Variants in UMODL1 observed in about 807,000 individuals in gnomAD.
The protein encoded by UMODL1 is uromodulin like 1, also known as uromodulin-like 1.
In UMODL1, 128 loss-of-function variants were observed where a neutral mutation model predicts 136.3. That is an observed-to-expected ratio of 0.94 (90% CI 0.81 to 1.09). The LOEUF (loss-of-function observed/expected upper bound fraction) is 1.09. Among genes scored for constraint, UMODL1 ranks in the 50% least tolerant of loss-of-function variants. The probability of loss-of-function intolerance (pLI) is 0.00; values close to 1 mark genes in which losing one functional copy is unlikely to be tolerated. For synonymous variants in UMODL1, 721 were observed against 720.0 expected, an observed-to-expected ratio of 1.00 and a Z score of -0.02; for missense variants, 1,766 against 1,725.6, an observed-to-expected ratio of 1.02 and a Z score of -0.41.
chr21:42,123,590 T>C lies in UMODL1; in HGVS notation c.3147+440T>C, dbSNP rs550064304. 2.0e-5 allele frequency among the ~76,000 whole-genome samples: 3 copies of C among 151,996 alleles called. No individual in the cohort carries two copies. The highest frequency in any genetic ancestry group is 7.2e-5 in the African/African-American group (3 of 41,426). ...GTGTGTAAATGTGTGAATCTGTGTG[T>C]GCGAATGTGTATGTGTATATGCATG... On this transcript the variant is annotated intron_variant, in intron 17 of 22. Transcript: ENST00000408910. The surrounding 1 kb of genome is among the most constrained non-coding windows in gnomAD (Gnocchi z 4.4).
At chr21:42,101,095 G>T (rs1298810926) in intron 7 of UMODL1, among the ~76,000 whole-genome samples, 1 of 151,022 alleles carries the variant, frequency 6.6e-6, no homozygotes, top group Non-Finnish European at 1.5e-5. Flanking sequence ...TTATAAAAAT[G>T]CCCTTTTTTT....
intron 15 of UMODL1, 151 bp from the exon 16 acceptor site, chr21:42,120,936 G>C: frequency 2.1e-6 from 2 of 975,402 alleles, no homozygotes; most frequent in Non-Finnish European, 3.0e-6. Context: ...GAAGCCTCCT[G>C]TACTTTCCAG....
At chr21:42,112,770 C>T (rs1007516400) in intron 12 of UMODL1, among the ~76,000 whole-genome samples, 18 of 151,778 alleles carry the variant, frequency 1.2e-4, no homozygotes, top group Admixed American at 2.6e-4. Flanking sequence ...TCAGCTGTTC[C>T]GTACCCCCAG....
intron 6 of UMODL1, among the ~76,000 whole-genome samples, chr21:42,096,403 C>A (rs930773209): frequency 6.6e-6 from 1 of 152,114 alleles, no homozygotes; most frequent in Non-Finnish European, 1.5e-5. Flanking sequence ...GATCCAAAAA[C>A]CCCCTGGCAT....
rs200190669 is a variant in UMODL1, at chr21:42,089,810, C to T, written c.791-488C>T. Among the ~76,000 whole-genome samples, 7 of 152,332 alleles carry T rather than the reference C, an allele frequency of 4.6e-5. No homozygotes were observed. In the East Asian group the frequency reaches 7.7e-4, roughly 17 times the overall value. ...TTGTGGGTGACACATGAGCTTATCGCGCTGTCTGTACTTAGACAGCATTAT... is the reference window on the plus strand; with the variant it reads ...TTGTGGGTGACACATGAGCTTATCGTGCTGTCTGTACTTAGACAGCATTAT... On this transcript the variant is annotated intron_variant, in intron 5 of 22. Coordinates refer to ENST00000408910, the MANE Select transcript of UMODL1 (RefSeq NM_001004416.3).
chr21:42,072,751 G>T (rs1046305653), intron 1 of UMODL1, among the ~76,000 whole-genome samples: 12 of 152,212 alleles, frequency 7.9e-5, no homozygotes, highest in African/African-American at 2.9e-4. Context: ...GTGAGCCTGG[G>T]TGTGAGCACA....
At chr21:42,116,353 GAA>G (rs780549709) in intron 14 of UMODL1, among the ~76,000 whole-genome samples, 3 of 141,008 alleles carry the variant, frequency 2.1e-5, no homozygotes, top group East Asian at 2.0e-4. Context: ...AACCCTGTGG[GAA>G]AAAAAAAAAA....
intron 6 of UMODL1, among the ~76,000 whole-genome samples, chr21:42,095,364 G>A (rs1046472591): frequency 1.3e-5 from 2 of 151,940 alleles, no homozygotes; most frequent in African/African-American, 4.8e-5. Context: ...CAAAGTTCTG[G>A]GATTACAGAT....
rs941965378 is a variant in UMODL1, at chr21:42,122,560, T to A, written c.2828-271T>A. Among the ~76,000 whole-genome samples the A allele has an allele frequency of 1.3e-5, 2 of 149,026 alleles. No individual in the cohort carries two copies. The highest frequency in any genetic ancestry group is 2.5e-5 in the African/African-American group (1 of 40,260). On this transcript the variant is annotated intron_variant, in intron 16 of 22. Coordinates refer to ENST00000408910, the MANE Select transcript of UMODL1 (RefSeq NM_001004416.3). This position sits in a 1 kb window ranked among gnomAD's most constrained non-coding sequence, Gnocchi z 4.3. ...GTGCATGTGTGCGTGTGTGTGTGTC[T>A]GCACGTGTGTGCGTGCGTGTGTGCA...
upstream of UMODL1, among the ~76,000 whole-genome samples, chr21:42,066,937 G>C (rs1169970816): frequency 6.6e-6 from 1 of 151,760 alleles, no homozygotes; most frequent in Non-Finnish European, 1.5e-5. Context: ...CACCTTTGTG[G>C]AGAGGTTTCC....
At position 42,129,709 on chromosome 21, in the gene UMODL1, A is replaced by G; in HGVS notation, c.3691-4A>G. On this transcript the variant is annotated splice_region_variant and splice_polypyrimidine_tract_variant and intron_variant, in intron 20 of 22. Coordinates refer to ENST00000408910, the MANE Select transcript of UMODL1 (RefSeq NM_001004416.3). ...CGTTTCTCTTCTTGGAAAAAAAAAA[A>G]CAGAATTGCAATAACTTTCGGTTGC... 6.4e-7 allele frequency: 1 copy of G among 1,571,366 alleles called. No individual in the cohort carries two copies. The highest frequency in any genetic ancestry group is 8.6e-7 in the Non-Finnish European group (1 of 1,166,120).
At chr21:42,088,568 A>C in intron 5 of UMODL1, 88 bp downstream of exon 5, 1 of 1,339,054 alleles carries the variant, frequency 7.5e-7, no homozygotes, top group Non-Finnish European at 1.0e-6. Context: ...AAGCCAGACC[A>C]GTCCTTTGTC....
At chr21:42,137,417 C>T (rs1370720263) in intron 21 of UMODL1, 22 bp from the exon 22 acceptor site, 1 of 1,613,262 alleles carries the variant, frequency 6.2e-7, no homozygotes, top group African/African-American at 1.3e-5. Context: ...GATCTCTCAC[C>T]TGTGCCTGTC....
chr21:42,070,940 C>T (rs530925288), upstream of UMODL1, among the ~76,000 whole-genome samples: 11 of 152,250 alleles, frequency 7.2e-5, no homozygotes, highest in East Asian at 9.6e-4. Flanking sequence ...GAGAATACTC[C>T]GTGTTGATGG....
chr21:42,129,678 A>G, intron 20 of UMODL1, 35 bp from the exon 21 acceptor site: 2 of 1,535,426 alleles, frequency 1.3e-6, no homozygotes, highest in Non-Finnish European at 1.8e-6. Context: ...TGTTCAATTA[A>G]TTTGACGTTT....
At chr21:42,109,289 A>G (rs34002958) in intron 9 of UMODL1, among the ~76,000 whole-genome samples, 26,287 of 152,202 alleles carry the variant, frequency 0.17, 2,412 homozygotes, top group South Asian at 0.23. Flanking sequence ...AACAGAATAA[A>G]GAAGAGAGGG....
intron 14 of UMODL1, among the ~76,000 whole-genome samples, chr21:42,117,256 C>A (rs1318398589): frequency 6.6e-6 from 1 of 152,228 alleles, no homozygotes; most frequent in East Asian, 1.9e-4. Context: ...CTGGTTTCAT[C>A]CACGTGGCAG....
At position 42,126,373 on chromosome 21, in the gene UMODL1, C is replaced by A. The variant is rs147787707; in HGVS notation, c.3176C>A (p.Thr1059Lys). The change falls in exon 18 of 23, where the codon ACG becomes AAG. Residue 1059 changes from threonine to lysine, a missense_variant. Coordinates refer to ENST00000408910, the MANE Select transcript of UMODL1 (RefSeq NM_001004416.3). ...ATGACGAACACCGTGGTGAGGACCA[C>A]GCTGAGGAACGACCTGTCCCAGGAG... Reference protein sequence around the residue: ...SNMTNTVVRTTLRNDLSQEGI... With the variant: ...SNMTNTVVRTKLRNDLSQEGI... The A allele has an allele frequency of 9.4e-5, 152 of 1,614,184 alleles. 1 individual carries two copies. In the African/African-American group the frequency reaches 1.9e-3, roughly 21 times the overall value.
At position 42,119,263 on chromosome 21, in the gene UMODL1, T is replaced by C; in HGVS notation, c.2628T>C (p.Phe876=). The part of the protein sequence containing the change: ...DVDVQEVSAA[F]LTAFQTVPLL... Reference sequence around the variant, plus strand: ...ATGTCCAGGAGGTGTCAGCTGCATTTCTCACCGCCTTCCAGACCGTGCCTC... The same window carrying C: ...ATGTCCAGGAGGTGTCAGCTGCATTCCTCACCGCCTTCCAGACCGTGCCTC... The change falls in exon 15 of 23, where the codon TTT becomes TTC. Residue 876 remains phenylalanine (F), a synonymous_variant. Transcript: ENST00000408910. The C allele has an allele frequency of 2.5e-6, 4 of 1,614,216 alleles. No homozygotes were observed. Among genetic ancestry groups the C allele is most frequent in the East Asian group, 4.5e-5 (2 of 44,884 alleles).
Sources: gnomAD v4.1 joint callset for allele counts (sites outside exome capture counted in the v4.1 genomes callset) on GRCh38, gnomAD v4.1.1 for gene constraint, Gnocchi (gnomAD v3.1) non-coding constraint, MANE v1.5 for transcripts, NCBI Gene and HGNC (gene_info 2026-07-23, HGNC 2026-07-21) for gene names.